The following PDGFRA variants were observed in gnomAD, a reference collection of about 807,000 sequenced individuals.
The protein encoded by PDGFRA is platelet derived growth factor receptor alpha, also known as platelet-derived growth factor receptor alpha.
Under a neutral mutation model 121.5 loss-of-function variants are expected in PDGFRA, and 25 were observed. That is an observed-to-expected ratio of 0.21 (90% CI 0.15 to 0.29). The LOEUF is 0.29. Among genes scored for constraint, PDGFRA ranks in the 10% least tolerant of loss-of-function variants. The probability of loss-of-function intolerance (pLI) is 1.00; values close to 1 mark genes in which losing one functional copy is unlikely to be tolerated. For missense variants in PDGFRA, 1,008 were observed against 1,345.1 expected (o/e 0.75, Z 3.92); for synonymous variants, 463 against 494.8 (o/e 0.94, Z 0.85).
chr4:54,255,449 C>G (rs1722307039), intron 1 of PDGFRA, among the ~76,000 whole-genome samples: 1 of 151,996 alleles, frequency 6.6e-6, no homozygotes, highest in South Asian at 2.1e-4. Flanking sequence ...TTAACCAACC[C>G]AAACCCAACT....
intron 1 of PDGFRA, among the ~76,000 whole-genome samples, chr4:54,251,546 T>C (rs1011669437): frequency 2.6e-5 from 4 of 152,228 alleles, no homozygotes; most frequent in Non-Finnish European, 4.4e-5. Flanking sequence ...TTGACTAGAA[T>C]GGTGTGCTTT....
intron 1 of PDGFRA, among the ~76,000 whole-genome samples, chr4:54,248,459 A>T (rs1278190198): frequency 6.6e-6 from 1 of 152,228 alleles, no homozygotes; most frequent in African/African-American, 2.4e-5. Flanking sequence ...AAAACAAGCA[A>T]TGGGGAAAGG....
chr4:54,292,585 T>TG (rs1000608742), intron 22 of PDGFRA, among the ~76,000 whole-genome samples: 3 of 152,034 alleles, frequency 2.0e-5, no homozygotes, highest in Non-Finnish European at 4.4e-5. Flanking sequence ...ACCTGGGTGA[T>TG]GGGATGATCT....
chr4:54,297,222 A>G lies in PDGFRA; in HGVS notation c.*1950A>G. The G allele has an allele frequency of 4.3e-6, 1 of 233,730 alleles. No homozygotes were observed. Among genetic ancestry groups the G allele is most frequent in the Non-Finnish European group, 8.5e-6 (1 of 118,058 alleles). The allele number at this position is 233,730 out of a possible 1,614,324, so 14.5% of individuals were successfully genotyped here. On this transcript the variant is annotated 3_prime_UTR_variant, in exon 23 of 23. Coordinates refer to ENST00000257290, the MANE Select transcript of PDGFRA (RefSeq NM_006206.6). Reference sequence around the variant, plus strand: ...TTTGCAATACTGCTTAATTGCTGATACCATATGAATGAAACATGGGCTGTG... The same window carrying G: ...TTTGCAATACTGCTTAATTGCTGATGCCATATGAATGAAACATGGGCTGTG...
At chr4:54,261,057 C>A in intron 2 of PDGFRA, 38 bp from the exon 3 acceptor site, 1 of 1,585,458 alleles carries the variant, frequency 6.3e-7, no homozygotes, top group Non-Finnish European at 8.7e-7. Flanking sequence ...ACTGTCCTTT[C>A]TGACTGCATC....
intron 1 of PDGFRA, among the ~76,000 whole-genome samples, chr4:54,240,476 ACATTCCCCTCTAG>A (rs1306250119): frequency 3.9e-5 from 6 of 152,228 alleles, no homozygotes; most frequent in Admixed American, 3.9e-4. Context: ...TTTGGCACTG[ACATTCCCCTCTAG>A]CATTGTGGGT....
chr4:54,270,751 A>T lies in PDGFRA; in HGVS notation c.1237+3A>T, dbSNP rs760562117. Reference sequence around the variant, plus strand: ...TACTTTTGAACTGTTAACTCAAGGTATGTAAAGGGAGTATAAAGATAATGC... The same window carrying T: ...TACTTTTGAACTGTTAACTCAAGGTTTGTAAAGGGAGTATAAAGATAATGC... On this transcript the variant is annotated splice_donor_region_variant and intron_variant, in intron 8 of 22. Transcript: ENST00000257290. The T allele has an allele frequency of 4.8e-6, 7 of 1,451,978 alleles. No homozygotes were observed. The highest frequency in any genetic ancestry group is 1.4e-5 in the African/African-American group (1 of 71,820). The allele number at this position is 1,451,978 out of a possible 1,614,324, so 89.9% of individuals were successfully genotyped here. A position where few individuals can be genotyped will look rare whatever the true frequency, so the allele number is the denominator to read the frequency against.
intron 1 of PDGFRA, 96 bp from the exon 2 acceptor site, chr4:54,258,661 G>C: frequency 1.2e-6 from 1 of 815,672 alleles, no homozygotes; most frequent in South Asian, 1.3e-5. Flanking sequence ...AAATGATGCT[G>C]TTAATATTTT....
At chr4:54,245,494 T>G (rs1477630800) in intron 1 of PDGFRA, among the ~76,000 whole-genome samples, 1 of 152,036 alleles carries the variant, frequency 6.6e-6, no homozygotes, top group African/African-American at 2.4e-5. Context: ...AATAAAATAC[T>G]TTACAGACAA....
At chr4:54,286,265 A>G (rs1724357328) in intron 18 of PDGFRA, among the ~76,000 whole-genome samples, 4 of 152,120 alleles carry the variant, frequency 2.6e-5, no homozygotes, top group African/African-American at 9.7e-5. Flanking sequence ...AATTCATGTA[A>G]AGTGCTTAGG....
At position 54,278,137 on chromosome 4, in the gene PDGFRA, G is replaced by A; in HGVS notation, c.2002+131G>A. 4.1e-6 allele frequency: 3 copies of A among 738,642 alleles called. No homozygotes were observed. The South Asian group carries it at 4.5e-5, about 11-fold the overall frequency. 45.8% of individuals were successfully genotyped at this position (738,642 alleles called of 1,614,324 possible). On this transcript the variant is annotated intron_variant, in intron 14 of 22. Coordinates refer to ENST00000257290, the MANE Select transcript of PDGFRA (RefSeq NM_006206.6). ...GAATAGAAGTCCCTTGAATGGAGCTGACTGGTCCCTTGAATTGATGGAAGC... is the reference window on the plus strand; with the variant it reads ...GAATAGAAGTCCCTTGAATGGAGCTAACTGGTCCCTTGAATTGATGGAAGC...
At position 54,263,938 on chromosome 4, in the gene PDGFRA, C is replaced by T. The variant is rs1176829777; in HGVS notation, c.628+11C>T. ...TTTATGCTTTAAAAGGTACTTGTAT[C>T]ATCTCCTTCCTTCTTTAAATAAGAG... On this transcript the variant is annotated intron_variant, in intron 4 of 22. Transcript: ENST00000257290. The T allele has an allele frequency of 6.2e-7, 1 of 1,611,742 alleles. No homozygotes were observed. Among genetic ancestry groups the T allele is most frequent in the African/African-American group, 1.3e-5 (1 of 74,808 alleles).
chr4:54,265,450 A>G (rs1722981581), intron 5 of PDGFRA: 1 of 291,388 alleles, frequency 3.4e-6, no homozygotes, highest in East Asian at 8.0e-5. Context: ...GATTCATCTG[A>G]TAGTGTTGAT....
chr4:54,244,790 A>C (rs889022809), intron 1 of PDGFRA, among the ~76,000 whole-genome samples: 29 of 152,224 alleles, frequency 1.9e-4, no homozygotes, highest in Admixed American at 1.7e-3. Context: ...AGGAAATTCA[A>C]ACCAAAGGCA....
intron 22 of PDGFRA, among the ~76,000 whole-genome samples, chr4:54,292,559 G>A (rs1287216432): frequency 3.9e-5 from 6 of 152,238 alleles, no homozygotes; most frequent in Admixed American, 2.6e-4. Context: ...AATAGCTAAT[G>A]GATACTGGGC....
intron 1 of PDGFRA, among the ~76,000 whole-genome samples, chr4:54,247,560 T>C (rs1446221125): frequency 6.7e-6 from 1 of 149,804 alleles, no homozygotes; most frequent in African/African-American, 2.5e-5. Flanking sequence ...GGTATGTAAA[T>C]GGGACGTATC....
At chr4:54,244,244 A>C (rs1173945856) in intron 1 of PDGFRA, among the ~76,000 whole-genome samples, 1 of 152,230 alleles carries the variant, frequency 6.6e-6, no homozygotes, top group African/African-American at 2.4e-5. Flanking sequence ...TGGAGATCTG[A>C]GAACGGGCAG....
chr4:54,238,980 G>GATAA (rs1220991582), intron 1 of PDGFRA, among the ~76,000 whole-genome samples: 3 of 151,890 alleles, frequency 2.0e-5, no homozygotes, highest in African/African-American at 4.8e-5. Context: ...CTCAAAAATA[G>GATAA]ATAAATAAAT....
At chr4:54,252,216 A>G (rs1722089989) in intron 1 of PDGFRA, among the ~76,000 whole-genome samples, 1 of 152,116 alleles carries the variant, frequency 6.6e-6, no homozygotes, top group Non-Finnish European at 1.5e-5. Context: ...TTGGCTAGTG[A>G]CCCCATATCA....
Sources: allele counts gnomAD v4.1 joint callset (sites outside exome capture counted in the v4.1 genomes callset), GRCh38; gene constraint gnomAD v4.1.1; transcripts MANE v1.5; gene names NCBI Gene and HGNC (gene_info 2026-07-23, HGNC 2026-07-21).